Variants in RABGAP1L observed in about 807,000 individuals in gnomAD.
RABGAP1L encodes RAB GTPase activating protein 1 like.
Under a neutral mutation model 137.7 loss-of-function variants are expected in RABGAP1L, and 63 were observed. That is an observed-to-expected ratio of 0.46 (90% CI 0.37 to 0.56). The LOEUF (loss-of-function observed/expected upper bound fraction) is 0.56. Among genes scored for constraint, RABGAP1L ranks in the 20% least tolerant of loss-of-function variants. RABGAP1L has a pLI of 0.00. For synonymous variants in RABGAP1L, 431 were observed against 433.7 expected (o/e 0.99, Z 0.08); for missense variants, 1,095 against 1,244.0 (o/e 0.88, Z 1.80).
intron 1 of RABGAP1L, among the ~76,000 whole-genome samples, chr1:174,176,713 G>GGAAAAAAAAAAAA (rs1232596038): frequency 7.4e-4 from 16 of 21,534 alleles, no homozygotes; most frequent in Non-Finnish European, 1.2e-3. Flanking sequence ...CCCTTTTTCA[G>GGAAAAAAAAAAAA]AAAAAAAAAA....
chr1:174,160,292 G>A (rs1475786002), intron 1 of RABGAP1L, among the ~76,000 whole-genome samples: 1 of 152,138 alleles, frequency 6.6e-6, no homozygotes, highest in East Asian at 1.9e-4. Context: ...CACCCACCTT[G>A]TGAGTGCTCA....
intron 11 of RABGAP1L, among the ~76,000 whole-genome samples, chr1:174,353,791 G>A (rs1280070817): frequency 1.3e-5 from 2 of 152,208 alleles, no homozygotes; most frequent in Admixed American, 6.5e-5. Flanking sequence ...ACTATCCAGG[G>A]ATGAGGGAGT....
intron 19 of RABGAP1L, among the ~76,000 whole-genome samples, chr1:174,822,660 A>G (rs1052157701): frequency 1.3e-5 from 2 of 152,216 alleles, no homozygotes; most frequent in South Asian, 2.1e-4. Context: ...GCAGTTCACA[A>G]TAGGGTTCAC....
intron 13 of RABGAP1L, among the ~76,000 whole-genome samples, chr1:174,560,851 A>T (rs955365577): frequency 1.3e-5 from 2 of 152,168 alleles, no homozygotes; most frequent in Non-Finnish European, 2.9e-5. Flanking sequence ...TTTGCTTAGG[A>T]TAATGGCCTC....
chr1:174,781,014 G>A (rs1353601144), intron 18 of RABGAP1L, among the ~76,000 whole-genome samples: 1 of 151,948 alleles, frequency 6.6e-6, no homozygotes, highest in Non-Finnish European at 1.5e-5. Context: ...ATTGTGAGTA[G>A]TACCGCAATA....
In RABGAP1L at chr1:174,471,954, G is replaced by T. The variant is rs146096486; in HGVS notation, c.1710+77809G>T. On this transcript the variant is annotated intron_variant, in intron 13 of 25. Transcript: ENST00000681986. ...GCTGATTCCATTATACGAAGAGGAA[G>T]AGACATCAGAGCTCTCTCTACAATG... 5.0e-3 allele frequency among the ~76,000 whole-genome samples: 765 copies of T among 152,300 alleles called. 7 individuals carry two copies. The highest frequency in any genetic ancestry group is 6.9e-3 in the Non-Finnish European group (469 of 68,024).
chr1:174,707,364 T>G (rs1680133474), intron 17 of RABGAP1L, among the ~76,000 whole-genome samples: 1 of 152,168 alleles, frequency 6.6e-6, no homozygotes, highest in Non-Finnish European at 1.5e-5. Flanking sequence ...ACAGGCAGAT[T>G]GAAAGCTAAG....
intron 14 of RABGAP1L, among the ~76,000 whole-genome samples, chr1:174,683,101 G>T (rs891027573): frequency 6.9e-6 from 1 of 144,110 alleles, no homozygotes; most frequent in Non-Finnish European, 1.5e-5. Flanking sequence ...TCAGAATAGC[G>T]GATTTGCACT....
intron 13 of RABGAP1L, among the ~76,000 whole-genome samples, chr1:174,405,831 A>T (rs1649196464): frequency 6.6e-6 from 1 of 151,962 alleles, no homozygotes; most frequent in Non-Finnish European, 1.5e-5. Flanking sequence ...TACAAAAATT[A>T]ACTGGGTGTG....
chr1:174,195,798 T>TATCC (rs1553251561), intron 1 of RABGAP1L, among the ~76,000 whole-genome samples: 8 of 128,706 alleles, frequency 6.2e-5, no homozygotes, highest in South Asian at 5.6e-4. Flanking sequence ...TCTTTCTTTC[T>TATCC]TTCTTTCTTT....
intron 19 of RABGAP1L, among the ~76,000 whole-genome samples, chr1:174,855,503 A>T (rs140939493): frequency 2.0e-5 from 3 of 152,196 alleles, no homozygotes; most frequent in Non-Finnish European, 2.9e-5. Context: ...TAATTTTGCC[A>T]CTGAATAGCT....
chr1:174,983,194 C>T (rs1263854966), intron 24 of RABGAP1L, among the ~76,000 whole-genome samples: 1 of 152,020 alleles, frequency 6.6e-6, no homozygotes, highest in Non-Finnish European at 1.5e-5. Context: ...GTGGTATGAA[C>T]CTGAGAACCC....
intron 19 of RABGAP1L, among the ~76,000 whole-genome samples, chr1:174,827,504 A>G (rs556623458): frequency 8.2e-6 from 1 of 122,228 alleles, no homozygotes; most frequent in South Asian, 2.9e-4. Context: ...ATAGTAACTG[A>G]GTGCGCATTT....
chr1:174,658,176 AATTACCCTCCAGGCAGCTGCAGGT>A (rs1676102317), intron 14 of RABGAP1L, among the ~76,000 whole-genome samples: 1 of 152,216 alleles, frequency 6.6e-6, no homozygotes, highest in South Asian at 2.1e-4. Context: ...TTTCTGGAAT[AATTACCCTCCAGGCAGCTGCAGGT>A]ATTTGGTCAA....
At chr1:174,712,978 C>T (rs1680693198) in intron 17 of RABGAP1L, among the ~76,000 whole-genome samples, 1 of 152,114 alleles carries the variant, frequency 6.6e-6, no homozygotes, top group Non-Finnish European at 1.5e-5. Context: ...CCAGGGTGGT[C>T]TTGGGAAATG....
chr1:174,438,778 G>C (rs1434373124), intron 13 of RABGAP1L, among the ~76,000 whole-genome samples: 1 of 71,004 alleles, frequency 1.4e-5, no homozygotes, highest in Non-Finnish European at 2.7e-5. Flanking sequence ...ATATATATAT[G>C]ACTTTTTAAT....
intron 17 of RABGAP1L, among the ~76,000 whole-genome samples, chr1:174,726,358 C>T (rs377160390): frequency 6.6e-6 from 1 of 152,112 alleles, no homozygotes; most frequent in South Asian, 2.1e-4. Context: ...CCTCTCTCCA[C>T]AGCCTCCCAA....
chr1:174,695,432 A>T (rs1379066982), intron 15 of RABGAP1L, among the ~76,000 whole-genome samples: 1 of 152,002 alleles, frequency 6.6e-6, no homozygotes, highest in African/African-American at 2.4e-5. Flanking sequence ...TGAATTTTTT[A>T]GCTTCAGAAT....
chr1:174,240,938 T>TTGTG (rs71958106), intron 4 of RABGAP1L, among the ~76,000 whole-genome samples: 2 of 150,564 alleles, frequency 1.3e-5, no homozygotes, highest in African/African-American at 2.4e-5. Flanking sequence ...ATGTGTGTGT[T>TTGTG]TGTGTGTGTG....
Sources: allele counts gnomAD v4.1 joint callset (sites outside exome capture counted in the v4.1 genomes callset), GRCh38; gene constraint gnomAD v4.1.1; transcripts MANE v1.5; gene names NCBI Gene and HGNC (gene_info 2026-07-23, HGNC 2026-07-21).